OR4N2: variants seen among roughly 807,000 people sequenced by gnomAD.
The protein encoded by OR4N2 is olfactory receptor family 4 subfamily N member 2, also known as olfactory receptor 4N2.
For synonymous variants in OR4N2, 141 were observed against 140.4 expected (o/e 1.00, Z -0.03); for missense variants, 307 against 377.6 (o/e 0.81, Z 1.55).
chr14:19,807,265 T>C (rs1350355400), intron 1 of OR4N2, among the ~76,000 whole-genome samples: 2 of 149,616 alleles, frequency 1.3e-5, no homozygotes, highest in Non-Finnish European at 3.0e-5. Context: ...GATGCAAAAA[T>C]ACGTACAAAA....
chr14:19,827,553 C>A lies in OR4N2; in HGVS notation c.105C>A (p.Tyr35Ter), dbSNP rs749939447. Residue 35 changes from tyrosine (Y) to a stop codon, truncating the protein, a stop_gained, in exon 2 of 2, where the codon TAC (tyrosine) becomes TAA (stop). Transcript: ENST00000557677. LOFTEE classifies it low-confidence loss of function (END_TRUNC). Reference protein sequence around the residue: ...LLVFVLVLIFYFIILPGNFLI... With the variant: ...LLVFVLVLIF ...TCTTTGTGCTAGTTTTAATATTCTA[C>A]TTCATCATCCTCCCTGGAAATTTTC... 10 of 1,613,578 alleles carry A rather than the reference C, an allele frequency of 6.2e-6. No homozygotes were observed. The highest frequency in any genetic ancestry group is 8.5e-6 in the Non-Finnish European group (10 of 1,179,460).
chr14:19,818,138 T>C (rs1367082482), intron 1 of OR4N2, among the ~76,000 whole-genome samples: 1 of 152,256 alleles, frequency 6.6e-6, no homozygotes, highest in Non-Finnish European at 1.5e-5. Context: ...AAGTGTGATG[T>C]GGTGCTGAGA....
intron 1 of OR4N2, among the ~76,000 whole-genome samples, chr14:19,823,267 T>TATTTC (rs1879610838): frequency 6.6e-6 from 1 of 152,260 alleles, no homozygotes; most frequent in Non-Finnish European, 1.5e-5. Flanking sequence ...TCAATATATT[T>TATTTC]ATTTCATTAG....
intron 1 of OR4N2, among the ~76,000 whole-genome samples, chr14:19,814,313 T>C (rs1271174763): frequency 6.6e-6 from 1 of 152,216 alleles, no homozygotes; most frequent in East Asian, 1.9e-4. Context: ...TTTCATGCTA[T>C]GTAGGAGGTC....
chr14:19,816,325 C>T (rs1225505133), intron 1 of OR4N2, among the ~76,000 whole-genome samples: 3 of 151,948 alleles, frequency 2.0e-5, no homozygotes, highest in African/African-American at 7.3e-5. Flanking sequence ...TTCTTCCTAT[C>T]CATGAGCACA....
intron 1 of OR4N2, among the ~76,000 whole-genome samples, chr14:19,811,235 C>A (rs997168093): frequency 1.3e-5 from 2 of 152,188 alleles, no homozygotes; most frequent in African/African-American, 4.8e-5. Flanking sequence ...AAAACATACA[C>A]ATATGATTTT....
chr14:19,811,419 T>C (rs1879293801), intron 1 of OR4N2, among the ~76,000 whole-genome samples: 1 of 152,184 alleles, frequency 6.6e-6, no homozygotes, highest in African/African-American at 2.4e-5. Context: ...GCTAATTTTT[T>C]GTATTTTTAG....
In OR4N2 at chr14:19,828,454, A is replaced by G; in HGVS notation, c.*82A>G. On this transcript the variant is annotated 3_prime_UTR_variant, in exon 2 of 2. Transcript: ENST00000557677. ...GATTTGTTTATTTCCAAGTACTGCAATCACTGAGTACCTCCCATTTGTCAG... is the reference window on the plus strand; with the variant it reads ...GATTTGTTTATTTCCAAGTACTGCAGTCACTGAGTACCTCCCATTTGTCAG... 1.6e-6 allele frequency: 2 copies of G among 1,269,006 alleles called. No homozygotes were observed. The highest frequency in any genetic ancestry group is 2.2e-6 in the Non-Finnish European group (2 of 926,812). 78.6% of individuals were successfully genotyped at this position (1,269,006 alleles called of 1,614,324 possible).
chr14:19,818,343 T>G (rs1879479460), intron 1 of OR4N2, among the ~76,000 whole-genome samples: 1 of 152,216 alleles, frequency 6.6e-6, no homozygotes, highest in African/African-American at 2.4e-5. Flanking sequence ...TCTAAGGACT[T>G]GCTTTATGAA....
At chr14:19,816,274 G>A (rs1222114035) in intron 1 of OR4N2, among the ~76,000 whole-genome samples, 2 of 151,948 alleles carry the variant, frequency 1.3e-5, no homozygotes, top group African/African-American at 4.8e-5. Flanking sequence ...CATTGAATCT[G>A]TAAATTACTT....
chr14:19,809,111 C>G (rs1879235030), intron 1 of OR4N2, among the ~76,000 whole-genome samples: 1 of 151,882 alleles, frequency 6.6e-6, no homozygotes, highest in African/African-American at 2.4e-5. Flanking sequence ...TCAGGTCTCT[C>G]TATTCAATAA....
intron 1 of OR4N2, among the ~76,000 whole-genome samples, chr14:19,818,584 G>A (rs534323118): frequency 2.2e-4 from 33 of 152,224 alleles, no homozygotes; most frequent in African/African-American, 7.5e-4. Flanking sequence ...GTCTTTGCAC[G>A]TGAGATGGGT....
intron 1 of OR4N2, among the ~76,000 whole-genome samples, chr14:19,806,304 C>T (rs1426831003): frequency 2.0e-5 from 3 of 149,832 alleles, no homozygotes. Context: ...AGGCAAGACA[C>T]CACTGTCTGT....
intron 1 of OR4N2, among the ~76,000 whole-genome samples, chr14:19,824,292 A>T (rs1416722189): frequency 6.6e-6 from 1 of 152,262 alleles, no homozygotes; most frequent in African/African-American, 2.4e-5. Flanking sequence ...GGTAGAGATA[A>T]TTGAAAGATG....
intron 1 of OR4N2, among the ~76,000 whole-genome samples, chr14:19,816,387 G>A (rs1879428739): frequency 6.6e-6 from 1 of 152,172 alleles, no homozygotes; most frequent in South Asian, 2.1e-4. Context: ...GCGGTGGTTT[G>A]TAATTCTCCT....
intron 1 of OR4N2, among the ~76,000 whole-genome samples, chr14:19,814,696 A>G (rs1415100600): frequency 6.6e-6 from 1 of 152,222 alleles, no homozygotes; most frequent in East Asian, 1.9e-4. Context: ...TTATACTTTA[A>G]GTTCTGGGAT....
chr14:19,824,484 A>G (rs1025207473), intron 1 of OR4N2, among the ~76,000 whole-genome samples: 33 of 152,262 alleles, frequency 2.2e-4, no homozygotes, highest in African/African-American at 7.0e-4. Flanking sequence ...AAATGCTAAC[A>G]CATCAAGAAA....
chr14:19,822,779 C>T (rs1467247784), intron 1 of OR4N2, among the ~76,000 whole-genome samples: 9 of 152,238 alleles, frequency 5.9e-5, no homozygotes, highest in East Asian at 5.8e-4. Flanking sequence ...ATACCATCAT[C>T]ACCTCATTTG....
chr14:19,819,472 C>T lies in OR4N2; in HGVS notation c.-9-7968C>T, dbSNP rs796906910. 3.3e-5 allele frequency among the ~76,000 whole-genome samples: 5 copies of T among 152,358 alleles called. No homozygotes were observed. In the East Asian group the frequency reaches 5.8e-4, roughly 18 times the overall value. On this transcript the variant is annotated intron_variant, in intron 1 of 1. Coordinates refer to ENST00000557677, the MANE Select transcript of OR4N2 (RefSeq NM_001004723.3). Reference sequence around the variant, plus strand: ...CCTGGTATCCTTTCTTCCGCTCCATCGATTTGGCTATTGATACTTGCGTAT... The same window carrying T: ...CCTGGTATCCTTTCTTCCGCTCCATTGATTTGGCTATTGATACTTGCGTAT...
Sources: gnomAD v4.1 joint callset for allele counts (sites outside exome capture counted in the v4.1 genomes callset) on GRCh38, gnomAD v4.1.1 for gene constraint, MANE v1.5 for transcripts, NCBI Gene and HGNC (gene_info 2026-07-23, HGNC 2026-07-21) for gene names.